The following VPS13B variants were observed in gnomAD, a reference collection of about 807,000 sequenced individuals.
The protein encoded by VPS13B is vacuolar protein sorting 13 homolog B, also known as intermembrane lipid transfer protein VPS13B.
VPS13B carries 285 observed loss-of-function variants against 426.4 expected under a neutral mutation model. The ratio of observed to expected loss-of-function variants is 0.67; its 90% CI spans 0.61 to 0.74. The LOEUF (loss-of-function observed/expected upper bound fraction) is 0.74. Ranked by LOEUF, VPS13B falls within the 30% of genes least tolerant of loss-of-function variation. The pLI, the probability that VPS13B is intolerant of heterozygous loss-of-function variation, is 0.00. For missense variants in VPS13B, 4,537 were observed against 4,782.6 expected, an observed-to-expected ratio of 0.95 and a Z score of 1.51; for synonymous variants, 1,676 against 1,676.4, an observed-to-expected ratio of 1.00 and a Z score of 0.01.
chr8:99,653,791 T>C (rs892398725), intron 34 of VPS13B, among the ~76,000 whole-genome samples: 6 of 152,132 alleles, frequency 3.9e-5, no homozygotes, highest in Non-Finnish European at 7.4e-5. Context: ...TCCCTTCCTT[T>C]TCCTGTTACT....
rs777311441 is a variant in VPS13B at position 99,720,345 on chromosome 8, G to T, written c.6658G>T (p.Val2220Phe). Residue 2220 changes from valine (V) to phenylalanine (F), a missense_variant and splice_region_variant, in exon 38 of 62, where the codon GTC becomes TTC. Physicochemically the swap from Val to Phe is conservative, Grantham distance 50. Coordinates refer to ENST00000357162, the MANE Select transcript of VPS13B (RefSeq NM_152564.5). ...CTAGAATTTTTTTATGATTTTAAAG[G>T]TCTTCTGGGGTCAAGAACATTTGAA... ...SIDLRGGLLQ[V>F]FWGQEHLNCL... The T allele has an allele frequency of 4.3e-6, 7 of 1,611,730 alleles. No individual in the cohort carries two copies. Among genetic ancestry groups the T allele is most frequent in the Non-Finnish European group, 1.7e-6 (2 of 1,179,528 alleles).
chr8:99,188,215 A>G (rs1204604145), intron 16 of VPS13B, among the ~76,000 whole-genome samples: 5 of 152,118 alleles, frequency 3.3e-5, no homozygotes, highest in Non-Finnish European at 7.3e-5. Context: ...GGTTTTTACT[A>G]TATTCACAGT....
At chr8:99,155,599 G>A (rs1379391916) in intron 14 of VPS13B, among the ~76,000 whole-genome samples, 3 of 152,092 alleles carry the variant, frequency 2.0e-5, no homozygotes, top group Non-Finnish European at 2.9e-5. Context: ...TAAATAAATG[G>A]TGGTTTTAAA....
rs1814273513 is a variant in VPS13B, at chr8:99,819,994, T to G, written c.8866T>G (p.Leu2956Val). 1 of 1,614,080 alleles carries G rather than the reference T, an allele frequency of 6.2e-7. No individual in the cohort carries two copies. The highest frequency in any genetic ancestry group is 1.1e-5 in the South Asian group (1 of 91,080). The change falls in exon 49 of 62, where the codon TTG (leucine) becomes GTG (valine). Residue 2956 changes from leucine (L) to valine (V), a missense_variant. Physicochemically the swap from Leu to Val is conservative, Grantham distance 32. This residue lies in a region of VPS13B where 4,311 missense variants were observed against 4,474.3 expected (regional missense o/e 0.96). Coordinates refer to ENST00000357162, the MANE Select transcript of VPS13B (RefSeq NM_152564.5). ...AATCTGGAAGCCATATGTTAGAACT[T>G]TGTTGATAGAACTTCTGCCCTGGGC... ...LSIWKPYVRT[L>V]LIELLPWALL...
At chr8:99,126,782 G>A (rs1476537968) in intron 8 of VPS13B, among the ~76,000 whole-genome samples, 3 of 152,148 alleles carry the variant, frequency 2.0e-5, no homozygotes, top group Non-Finnish European at 2.9e-5. Context: ...GTTTCTTTGG[G>A]ATATGCTTCT....
chr8:99,408,359 G>A (rs1815444832), intron 21 of VPS13B, among the ~76,000 whole-genome samples: 1 of 152,110 alleles, frequency 6.6e-6, no homozygotes, highest in South Asian at 2.1e-4. Context: ...ATTACTAGAG[G>A]ATGCAAGGTC....
Position 99,556,613 on chromosome 8 carries a change from A to C in VPS13B, c.4909A>C (p.Asn1637His). The C allele has an allele frequency of 6.2e-7, 1 of 1,613,138 alleles. No homozygotes were observed. Among genetic ancestry groups the C allele is most frequent in the Non-Finnish European group, 8.5e-7 (1 of 1,179,452 alleles). Reference protein sequence around the residue: ...SGGVVTETERNSQNPALEWNM... With the variant: ...SGGVVTETERHSQNPALEWNM... ...AGGGGTGGTAACAGAGACTGAAAGG[A>C]ATTCTCAAAATCCAGCCCTTGAGTG... The change falls in exon 31 of 62, where the codon AAT becomes CAT. Residue 1637 changes from asparagine (N) to histidine (H), a missense_variant. Physicochemically the swap from Asn to His is moderately conservative, Grantham distance 68 (BLOSUM62 1). Around this residue, in one of 2 missense-constraint regions of VPS13B, gnomAD observed 4,311 missense variants for 4,474.3 expected, o/e 0.96. Coordinates refer to ENST00000357162, the MANE Select transcript of VPS13B (RefSeq NM_152564.5).
chr8:99,339,951 A>G (rs1318056051), intron 19 of VPS13B, among the ~76,000 whole-genome samples: 1 of 152,198 alleles, frequency 6.6e-6, no homozygotes, highest in Non-Finnish European at 1.5e-5. Flanking sequence ...ATAACAAAAC[A>G]ATGTGGTTTC....
chr8:99,419,271 T>G (rs1816246731), intron 21 of VPS13B, among the ~76,000 whole-genome samples: 1 of 152,202 alleles, frequency 6.6e-6, no homozygotes, highest in Non-Finnish European at 1.5e-5. Context: ...CCCCTTCACC[T>G]TCCACCATGA....
At position 99,556,505 on chromosome 8, in the gene VPS13B, C is replaced by A; in HGVS notation, c.4801C>A (p.Gln1601Lys). Residue 1601 changes from glutamine (Q) to lysine (K), a missense_variant, in exon 31 of 62, where the codon CAA (glutamine) becomes AAA (lysine). Physicochemically the swap from Gln to Lys is moderately conservative, Grantham distance 53 (BLOSUM62 1). This residue lies in a region of VPS13B where 4,311 missense variants were observed against 4,474.3 expected (regional missense o/e 0.96). Coordinates refer to ENST00000357162, the MANE Select transcript of VPS13B (RefSeq NM_152564.5). Reference sequence around the variant, plus strand: ...TCCTGGATCAGAAATCGAAGACAGACAATACCAAATAGATCTGCAGTCCAT... The same window carrying A: ...TCCTGGATCAGAAATCGAAGACAGAAAATACCAAATAGATCTGCAGTCCAT... ...RDPGSEIEDR[Q>K]YQIDLQSINI... 6.2e-7 allele frequency: 1 copy of A among 1,613,112 alleles called. No individual in the cohort carries two copies. The highest frequency in any genetic ancestry group is 8.5e-7 in the Non-Finnish European group (1 of 1,179,520).
intron 39 of VPS13B, among the ~76,000 whole-genome samples, chr8:99,758,611 ACTC>A (rs1392712629): frequency 2.6e-5 from 4 of 151,890 alleles, no homozygotes; most frequent in Admixed American, 1.3e-4. Context: ...CATTGTCTCT[ACTC>A]CTCCTAAATC....
chr8:99,768,953 T>C (rs953363204), intron 40 of VPS13B, among the ~76,000 whole-genome samples: 5 of 152,214 alleles, frequency 3.3e-5, no homozygotes, highest in Admixed American at 3.3e-4. Flanking sequence ...GACTTCTTGA[T>C]TCTAATTATG....
At chr8:99,149,510 A>G (rs1296676659) in intron 14 of VPS13B, among the ~76,000 whole-genome samples, 6 of 151,676 alleles carry the variant, frequency 4.0e-5, no homozygotes, top group African/African-American at 1.5e-4. Context: ...TAGAGACAGG[A>G]TTTCACCATA....
chr8:99,173,891 A>C (rs542388368), intron 16 of VPS13B, among the ~76,000 whole-genome samples: 5 of 152,224 alleles, frequency 3.3e-5, no homozygotes, highest in Admixed American at 1.3e-4. Context: ...GGCTCGATCA[A>C]CTGTACCATT....
intron 27 of VPS13B, among the ~76,000 whole-genome samples, chr8:99,503,548 A>G (rs1821346720): frequency 6.6e-6 from 1 of 152,206 alleles, no homozygotes; most frequent in African/African-American, 2.4e-5. Flanking sequence ...CTGCTGCTGT[A>G]AAAAATGAGA....
rs548779101 is a variant in VPS13B at position 99,518,274 on chromosome 8, C to T, written c.4634-2625C>T. ...GCACCTTTGTGGTACGGTTTATTCT[C>T]CAGGCTTACTACGTAATTGAGGACT... On this transcript the variant is annotated intron_variant, in intron 29 of 61. Coordinates refer to ENST00000357162, the MANE Select transcript of VPS13B (RefSeq NM_152564.5). Among the ~76,000 whole-genome samples the T allele has an allele frequency of 1.6e-4, 25 of 152,180 alleles. 1 individual carries two copies. The highest frequency in any genetic ancestry group is 1.1e-3 in the Admixed American group (17 of 15,268).
At position 99,273,408 on chromosome 8, in the gene VPS13B, C is replaced by T. The variant is rs149630920; in HGVS notation, c.2516-790C>T. 8.7e-4 allele frequency among the ~76,000 whole-genome samples: 132 copies of T among 152,006 alleles called. 2 individuals are homozygous for T. The highest frequency in any genetic ancestry group is 2.7e-3 in the African/African-American group (110 of 41,506). ...GTCTCGATCTCTTGACCTCGTGATC[C>T]GCTTGCCTAGGCCTGCCAAAGTGCT... On this transcript the variant is annotated intron_variant, in intron 17 of 61. Coordinates refer to ENST00000357162, the MANE Select transcript of VPS13B (RefSeq NM_152564.5).
chr8:99,057,809 C>T (rs920653358), intron 3 of VPS13B, among the ~76,000 whole-genome samples: 2 of 152,300 alleles, frequency 1.3e-5, no homozygotes, highest in East Asian at 3.9e-4. Context: ...CTTAACTTTA[C>T]CCATCCCTTA....
At chr8:99,684,954 C>T (rs1831319594) in intron 35 of VPS13B, among the ~76,000 whole-genome samples, 1 of 152,174 alleles carries the variant, frequency 6.6e-6, no homozygotes, top group Non-Finnish European at 1.5e-5. Context: ...AGGCACCTGC[C>T]ACCAACCTGG....
Sources: gnomAD v4.1 joint callset for allele counts (sites outside exome capture counted in the v4.1 genomes callset) on GRCh38, gnomAD v4.1.1 for gene constraint, gnomAD v4.1.1 regional missense constraint, MANE v1.5 for transcripts, NCBI Gene and HGNC (gene_info 2026-07-23, HGNC 2026-07-21) for gene names.